The following NAP1L4 variants were observed in gnomAD, a reference collection of about 807,000 sequenced individuals.
The protein encoded by NAP1L4 is nucleosome assembly protein 1 like 4.
In NAP1L4, 15 loss-of-function variants were observed where a neutral mutation model predicts 58.2. The observed-to-expected ratio is 0.26, with a 90% CI of 0.17 to 0.40. The LOEUF is 0.40. Among genes scored for constraint, NAP1L4 ranks in the 10% least tolerant of loss-of-function variants. The probability of loss-of-function intolerance (pLI) is 1.00; values close to 1 mark genes in which losing one functional copy is unlikely to be tolerated. For missense variants in NAP1L4, 384 were observed against 451.1 expected, an observed-to-expected ratio of 0.85 and a Z score of 1.35; for synonymous variants, 171 against 155.6, an observed-to-expected ratio of 1.10 and a Z score of -0.74.
In NAP1L4 at chr11:2,971,335, C is replaced by G; in HGVS notation, c.402+113G>C. 1.2e-6 allele frequency: 1 copy of G among 844,484 alleles called. No homozygotes were observed. The allele number at this position is 844,484 out of a possible 1,614,324, so 52.3% of individuals were successfully genotyped here. ...ATCTAAACCCAACCTAATGATGCAG[C>G]AGCACCTACTGTTAGAAGCACATAA... On this transcript the variant is annotated intron_variant, in intron 6 of 15. Coordinates refer to ENST00000380542, the MANE Select transcript of NAP1L4 (RefSeq NM_005969.4). This position sits in a 1 kb window ranked among gnomAD's most constrained non-coding sequence, Gnocchi z 4.2.
chr11:2,968,146 C>T (rs976034336), intron 7 of NAP1L4, among the ~76,000 whole-genome samples: 3 of 152,154 alleles, frequency 2.0e-5, no homozygotes, highest in South Asian at 2.1e-4. Flanking sequence ...CCATGCCCCC[C>T]GAAGTCTGAG....
intron 1 of NAP1L4, among the ~76,000 whole-genome samples, chr11:2,986,338 G>A (rs1363806889): frequency 7.0e-6 from 1 of 143,076 alleles, no homozygotes; most frequent in Non-Finnish European, 1.5e-5. Context: ...TGCCCCACTA[G>A]ACTCCAGTCT....
At chr11:2,989,788 A>G (rs191328287) in intron 1 of NAP1L4, 1 of 152,254 alleles carries the variant, frequency 6.6e-6, no homozygotes, top group Non-Finnish European at 1.5e-5. Context: ...ATTCAAATTC[A>G]TACTGTAAAG....
chr11:2,987,720 G>A (rs894723627), intron 1 of NAP1L4, among the ~76,000 whole-genome samples: 4 of 134,890 alleles, frequency 3.0e-5, no homozygotes, highest in Admixed American at 2.5e-4. Context: ...TCGCGCCACT[G>A]CACTCCAGCC....
chr11:2,947,464 C>A (rs1845995822), intron 15 of NAP1L4, among the ~76,000 whole-genome samples: 2 of 152,194 alleles, frequency 1.3e-5, no homozygotes, highest in Admixed American at 6.5e-5. Flanking sequence ...GAGGGCACAG[C>A]CCCCTCTGGG....
At chr11:2,981,289 G>C in intron 1 of NAP1L4, among the ~76,000 whole-genome samples, 1 of 151,008 alleles carries the variant, frequency 6.6e-6, no homozygotes, top group Non-Finnish European at 1.5e-5. Flanking sequence ...TGATACCTCT[G>C]GTCGCAGCTA....
intron 7 of NAP1L4, among the ~76,000 whole-genome samples, chr11:2,965,279 G>A (rs556985163): frequency 2.6e-5 from 4 of 152,374 alleles, no homozygotes; most frequent in African/African-American, 4.8e-5. Flanking sequence ...GCAATTCGGC[G>A]TGTGTTCATC....
Position 2,969,788 on chromosome 11 carries a change from C to T in NAP1L4, c.534+15G>A, listed in dbSNP as rs1847525961. ...ACTAGCACATAATCTCTCTACAAGA[C>T]AGAAGTGTGCTTACCTGGACTAATT... On this transcript the variant is annotated intron_variant, in intron 7 of 15. Transcript: ENST00000380542. The T allele has an allele frequency of 5.6e-6, 9 of 1,605,374 alleles. No homozygotes were observed. In the East Asian group the frequency reaches 2.0e-4, roughly 36 times the overall value.
intron 4 of NAP1L4, among the ~76,000 whole-genome samples, chr11:2,973,105 T>C (rs1298818861): frequency 6.6e-6 from 1 of 152,198 alleles, no homozygotes; most frequent in Non-Finnish European, 1.5e-5. Context: ...AATCACACTG[T>C]CCAGGAATAT....
chr11:2,986,953 T>A (rs1327517606), intron 1 of NAP1L4, among the ~76,000 whole-genome samples: 1 of 151,846 alleles, frequency 6.6e-6, no homozygotes, highest in Non-Finnish European at 1.5e-5. Flanking sequence ...CACAATTGCT[T>A]GGCCCACATT....
intron 4 of NAP1L4, among the ~76,000 whole-genome samples, chr11:2,973,782 T>A (rs1030767008): frequency 6.6e-6 from 1 of 152,144 alleles, no homozygotes; most frequent in Non-Finnish European, 1.5e-5. Context: ...ATTCATTCAT[T>A]TATTGTGACA....
At chr11:2,991,492 T>C (rs1013475559) in intron 1 of NAP1L4, 3 of 186,370 alleles carry the variant, frequency 1.6e-5, no homozygotes, top group Admixed American at 5.6e-5. Flanking sequence ...TTTTAAATAG[T>C]AAACAGACTT....
chr11:2,964,021 C>A, intron 8 of NAP1L4: 1 of 432,998 alleles, frequency 2.3e-6, no homozygotes, highest in South Asian at 1.7e-5. Context: ...CTGATCCATG[C>A]CACTAACATT....
At chr11:2,981,329 G>A (rs1014442860) in intron 1 of NAP1L4, among the ~76,000 whole-genome samples, 2 of 146,176 alleles carry the variant, frequency 1.4e-5, no homozygotes, top group African/African-American at 2.5e-5. Context: ...AGCAACACTC[G>A]AGCCCAGGAG....
At chr11:2,975,910 G>T in intron 4 of NAP1L4, 114 bp downstream of exon 4, 1 of 914,808 alleles carries the variant, frequency 1.1e-6, no homozygotes, top group Non-Finnish European at 1.6e-6. Flanking sequence ...CATAGACAAT[G>T]TCTTGGAACG....
At chr11:2,956,448 T>C (rs184599728) in intron 10 of NAP1L4, among the ~76,000 whole-genome samples, 1 of 152,360 alleles carries the variant, frequency 6.6e-6, no homozygotes, top group East Asian at 1.9e-4. Flanking sequence ...CTGAGCTTCA[T>C]CAGGAGTTGA....
chr11:2,958,123 C>A (rs1846652388), intron 10 of NAP1L4: 14 of 616,538 alleles, frequency 2.3e-5, no homozygotes, highest in Non-Finnish European at 3.9e-5. Flanking sequence ...TAAAACAGAA[C>A]TGCAAGTTTT....
intron 10 of NAP1L4, among the ~76,000 whole-genome samples, chr11:2,956,921 C>A (rs1846579101): frequency 6.6e-6 from 1 of 152,132 alleles, no homozygotes; most frequent in South Asian, 2.1e-4. Flanking sequence ...AAGCACTTAC[C>A]ATTTGGTATT....
intron 14 of NAP1L4, among the ~76,000 whole-genome samples, chr11:2,950,108 T>A (rs1846145823): frequency 6.6e-6 from 1 of 152,188 alleles, no homozygotes; most frequent in Non-Finnish European, 1.5e-5. Flanking sequence ...ACCTTCCCTG[T>A]CCGCACACTG....
Sources: gnomAD v4.1 joint callset for allele counts (sites outside exome capture counted in the v4.1 genomes callset) on GRCh38, gnomAD v4.1.1 for gene constraint, Gnocchi (gnomAD v3.1) non-coding constraint, MANE v1.5 for transcripts, NCBI Gene and HGNC (gene_info 2026-07-23, HGNC 2026-07-21) for gene names.